EGLN1: variants seen among roughly 807,000 people sequenced by gnomAD.
The protein encoded by EGLN1 is egl nine homolog 1.
In EGLN1, 17 loss-of-function variants were observed where a neutral mutation model predicts 38.3. The observed-to-expected ratio is 0.44, with a 90% CI of 0.30 to 0.67. The LOEUF (loss-of-function observed/expected upper bound fraction) is 0.67, where lower values mean the gene tolerates loss of function less well. EGLN1 is among the 30% of genes least tolerant of loss of function. The pLI, the probability that EGLN1 is intolerant of heterozygous loss-of-function variation, is 0.08. For synonymous variants in EGLN1, 283 were observed against 257.5 expected (o/e 1.10, Z -0.95); for missense variants, 477 against 603.3 (o/e 0.79, Z 2.19).
chr1:231,389,131 C>A (rs1478172379), intron 1 of EGLN1, among the ~76,000 whole-genome samples: 1 of 152,124 alleles, frequency 6.6e-6, no homozygotes, highest in Non-Finnish European at 1.5e-5. Context: ...ATGATGAATT[C>A]TAATAAAGTT....
intron 1 of EGLN1, among the ~76,000 whole-genome samples, chr1:231,402,716 T>G (rs1325004204): frequency 6.6e-6 from 1 of 152,154 alleles, no homozygotes; most frequent in Admixed American, 6.5e-5. Flanking sequence ...ATTACAAGCA[T>G]GAGCCACTGC....
chr1:231,403,884 T>C (rs1688723920), intron 1 of EGLN1, among the ~76,000 whole-genome samples: 1 of 151,816 alleles, frequency 6.6e-6, no homozygotes, highest in Admixed American at 6.6e-5. Flanking sequence ...TTATTCAAAG[T>C]ATTGTATAAT....
At position 231,421,205 on chromosome 1, in the gene EGLN1, G is replaced by A. The variant is rs1370811558; in HGVS notation, c.684C>T (p.Ala228=). The change falls in exon 1 of 5, where the codon GCC becomes GCT. Residue 228 remains alanine, a synonymous_variant. Coordinates refer to ENST00000366641, the MANE Select transcript of EGLN1 (RefSeq NM_022051.3). The surrounding 1 kb of genome is among the most constrained non-coding windows in gnomAD (Gnocchi z 5.5). The stretch of plus-strand genomic sequence containing the variant: ...CCGTGAACTTCCCGGTGTCGTGCAG[G>A]GCGCGCACCTCGTCGCCGATCTGCT... ...TGQQIGDEVR[A]LHDTGKFTDG... is the part of the protein sequence containing the mutation. The A allele has an allele frequency of 1.9e-6, 3 of 1,613,970 alleles. No individual in the cohort carries two copies. The African/African-American group carries it at 4.0e-5, about 22-fold the overall frequency.
chr1:231,420,960 A>C, intron 1 of EGLN1, 38 bp downstream of exon 1: 1 of 1,613,608 alleles, frequency 6.2e-7, no homozygotes, highest in Non-Finnish European at 8.5e-7. Context: ...GCCCGCCGAG[A>C]AGGGCCTGTC....
chr1:231,391,442 G>T (rs1688384915), intron 1 of EGLN1, among the ~76,000 whole-genome samples: 1 of 141,652 alleles, frequency 7.1e-6, no homozygotes, highest in Non-Finnish European at 1.6e-5. Flanking sequence ...ACAAAAAGGG[G>T]TCTCCTGATT....
chr1:231,374,508 C>T (rs1687907744), intron 1 of EGLN1, among the ~76,000 whole-genome samples: 1 of 145,030 alleles, frequency 6.9e-6, no homozygotes, highest in East Asian at 2.0e-4. Flanking sequence ...GACACTGTCT[C>T]TGAATGGTAC....
chr1:231,366,380 G>A lies in EGLN1; in HGVS notation c.*31C>T, dbSNP rs1326712230. The A allele has an allele frequency of 5.6e-6, 9 of 1,605,888 alleles. No individual in the cohort carries two copies. Among genetic ancestry groups the A allele is most frequent in the East Asian group, 4.5e-5 (2 of 44,812 alleles). ...TTAACAAATAGTTAACAATATTGTA[G>A]GTGAAGTGGGGTATTGCTGGATCAA... On this transcript the variant is annotated 3_prime_UTR_variant, in exon 5 of 5. Transcript: ENST00000366641.
chr1:231,412,629 C>T (rs1040270415), intron 1 of EGLN1, among the ~76,000 whole-genome samples: 17 of 152,164 alleles, frequency 1.1e-4, no homozygotes, highest in Admixed American at 3.3e-4. Flanking sequence ...TACAAGCATA[C>T]TGCACAGAGA....
At chr1:231,403,979 A>C (rs2102928732) in intron 1 of EGLN1, among the ~76,000 whole-genome samples, 1 of 152,124 alleles carries the variant, frequency 6.6e-6, no homozygotes, top group African/African-American at 2.4e-5. Flanking sequence ...GTTTAACTTC[A>C]TTTCCTCAAT....
chr1:231,408,159 A>G (rs1472489148), intron 1 of EGLN1, among the ~76,000 whole-genome samples: 3 of 152,224 alleles, frequency 2.0e-5, no homozygotes, highest in Non-Finnish European at 4.4e-5. Context: ...TTTTGAGAAA[A>G]GAGAGATCAA....
rs373295213 is a variant in EGLN1, at chr1:231,366,517, G to C, written c.1217-42C>G. The C allele has an allele frequency of 6.4e-5, 100 of 1,572,370 alleles. 1 individual carries two copies. In the African/African-American group the frequency reaches 1.2e-3, roughly 18 times the overall value. Reference sequence around the variant, plus strand: ...AAAAAAATTTTCATTCATTCACTAAGCACCAGAGAGCTTCTGCTACTGCAT... The same window carrying C: ...AAAAAAATTTTCATTCATTCACTAACCACCAGAGAGCTTCTGCTACTGCAT... On this transcript the variant is annotated intron_variant, in intron 4 of 4. Transcript: ENST00000366641.
At chr1:231,382,635 C>G (rs960413708) in intron 1 of EGLN1, among the ~76,000 whole-genome samples, 3 of 152,074 alleles carry the variant, frequency 2.0e-5, no homozygotes, top group African/African-American at 7.2e-5. Context: ...GGGACTGTAC[C>G]CTGAGCCTTA....
chr1:231,376,221 C>A (rs1003951947), intron 1 of EGLN1, among the ~76,000 whole-genome samples: 1 of 152,186 alleles, frequency 6.6e-6, no homozygotes, highest in Non-Finnish European at 1.5e-5. Flanking sequence ...CAGAAATAAA[C>A]AGTTTATAAA....
At chr1:231,391,234 A>G (rs1434348590) in intron 1 of EGLN1, among the ~76,000 whole-genome samples, 1 of 94,870 alleles carries the variant, frequency 1.1e-5, no homozygotes. Flanking sequence ...TACAGGTGTG[A>G]GCCACCATGC....
intron 1 of EGLN1, among the ~76,000 whole-genome samples, chr1:231,407,389 T>C (rs1209247074): frequency 6.6e-6 from 1 of 152,198 alleles, no homozygotes; most frequent in Non-Finnish European, 1.5e-5. Flanking sequence ...TAATTGACAT[T>C]TTGAGTAAAT....
At chr1:231,373,299 T>C (rs1178325486) in intron 2 of EGLN1, among the ~76,000 whole-genome samples, 2 of 152,058 alleles carry the variant, frequency 1.3e-5, no homozygotes, top group African/African-American at 4.8e-5. Context: ...ATGCCAAGAA[T>C]AACATAGCAA....
intron 1 of EGLN1, among the ~76,000 whole-genome samples, chr1:231,419,638 C>A (rs886967113): frequency 2.6e-5 from 4 of 152,162 alleles, no homozygotes; most frequent in African/African-American, 9.7e-5. Context: ...ATCAGATCCC[C>A]CTTTTCCTTC....
chr1:231,365,903 CATT>C lies in EGLN1; in HGVS notation c.*505_*507del, dbSNP rs1307387910. The C allele has an allele frequency of 1.9e-5, 3 of 154,348 alleles. No homozygotes were observed. Among genetic ancestry groups the C allele is most frequent in the Admixed American group, 6.4e-5 (1 of 15,578 alleles). The allele number at this position is 154,348 out of a possible 1,614,324, so 9.6% of individuals were successfully genotyped here. A position where few individuals can be genotyped will look rare whatever the true frequency, so the allele number is the denominator to read the frequency against. The stretch of plus-strand genomic sequence containing the variant: ...TTAATCATCAGTCACTGGCAACAAT[CATT>C]ATTAAGAGGTCTTTTAGGGCAAAAT... On this transcript the variant is annotated 3_prime_UTR_variant, in exon 5 of 5. Coordinates refer to ENST00000366641, the MANE Select transcript of EGLN1 (RefSeq NM_022051.3).
chr1:231,369,718 C>A, intron 3 of EGLN1: 1 of 452,008 alleles, frequency 2.2e-6, no homozygotes, highest in Non-Finnish European at 2.9e-6. Flanking sequence ...CCCAGCGCAT[C>A]TAAGCCTGTG....
Sources: allele counts gnomAD v4.1 joint callset (sites outside exome capture counted in the v4.1 genomes callset), GRCh38; gene constraint gnomAD v4.1.1; non-coding constraint Gnocchi (gnomAD v3.1); transcripts MANE v1.5; gene names NCBI Gene and HGNC (gene_info 2026-07-23, HGNC 2026-07-21).